LOXHD1: variants seen among roughly 807,000 people sequenced by gnomAD.
The protein encoded by LOXHD1 is lipoxygenase homology PLAT domains 1.
In LOXHD1, 205 loss-of-function variants were observed where a neutral mutation model predicts 248.2. The observed-to-expected ratio is 0.83, with a 90% CI of 0.74 to 0.93. The LOEUF is 0.93. LOXHD1 is among the 40% of genes least tolerant of loss of function. The pLI is 0.00. For missense variants in LOXHD1, 2,930 were observed against 2,971.6 expected (o/e 0.99, Z 0.33); for synonymous variants, 1,113 against 1,162.8 (o/e 0.96, Z 0.87).
intron 37 of LOXHD1, among the ~76,000 whole-genome samples, chr18:46,493,283 A>G (rs1338484615): frequency 1.3e-5 from 2 of 152,246 alleles, no homozygotes; most frequent in Non-Finnish European, 2.9e-5. Flanking sequence ...GTCTTTGAGA[A>G]AGACTTTGTT....
At position 46,541,898 on chromosome 18, in the gene LOXHD1, G is replaced by C. The variant is rs1396483529; in HGVS notation, c.3791C>G (p.Ala1264Gly). Reference sequence around the variant, plus strand: ...CGTCATGCACTTCCCAAGAGATGGGGCATCCACCTCTACCCAGTCTACAAA... The same window carrying C: ...CGTCATGCACTTCCCAAGAGATGGGCCATCCACCTCTACCCAGTCTACAAA... ...GWFVDWVEVD[A>G]PSLGKCMTFP... Residue 1264 changes from alanine to glycine, a missense_variant, in exon 25 of 41, where the codon GCC (alanine) becomes GGC (glycine). Coordinates refer to ENST00000642948, the MANE Select transcript of LOXHD1 (RefSeq NM_001384474.1). 3.2e-6 allele frequency: 5 copies of C among 1,551,556 alleles called. No homozygotes were observed. The highest frequency in any genetic ancestry group is 4.4e-6 in the Non-Finnish European group (5 of 1,146,996).
chr18:46,600,549 G>A (rs1449158504), intron 8 of LOXHD1, among the ~76,000 whole-genome samples: 3 of 144,728 alleles, frequency 2.1e-5, no homozygotes, highest in East Asian at 4.5e-4. Context: ...AGTGAGCTGA[G>A]ATCGTGCCAT....
At chr18:46,543,074 T>C (rs777646539) in intron 23 of LOXHD1, among the ~76,000 whole-genome samples, 1 of 152,198 alleles carries the variant, frequency 6.6e-6, no homozygotes, top group Non-Finnish European at 1.5e-5. Context: ...TTTGGTTACA[T>C]GGGTGAGTTA....
chr18:46,619,566 T>G (rs928169631), intron 4 of LOXHD1, among the ~76,000 whole-genome samples: 2 of 152,148 alleles, frequency 1.3e-5, no homozygotes, highest in African/African-American at 4.8e-5. Context: ...TACATTACAG[T>G]CTCATTAAGT....
chr18:46,588,830 G>A (rs772783510), intron 12 of LOXHD1, among the ~76,000 whole-genome samples: 26 of 152,238 alleles, frequency 1.7e-4, no homozygotes, highest in Admixed American at 6.5e-4. Flanking sequence ...ACCCATCCAC[G>A]TCAGCCCCTG....
intron 16 of LOXHD1, among the ~76,000 whole-genome samples, chr18:46,568,219 T>A (rs1457452146): frequency 6.6e-6 from 1 of 152,090 alleles, no homozygotes; most frequent in Admixed American, 6.6e-5. Context: ...GAGGGCTTGT[T>A]ACCATCTCCA....
At chr18:46,655,277 G>A (rs925798212) in intron 1 of LOXHD1, among the ~76,000 whole-genome samples, 3 of 152,162 alleles carry the variant, frequency 2.0e-5, no homozygotes, top group African/African-American at 7.2e-5. Flanking sequence ...GTGCTGATCC[G>A]CCTGCCTTGA....
At position 46,529,160 on chromosome 18, in the gene LOXHD1, C is replaced by A; in HGVS notation, c.4530+17G>T. 2.6e-6 allele frequency: 4 copies of A among 1,551,396 alleles called. No homozygotes were observed. ...GGAGAGGAGGGAAGGAGGGTAAACTCCGTGTGCCCCTCATACCGTTCCTCT... is the reference window on the plus strand; with the variant it reads ...GGAGAGGAGGGAAGGAGGGTAAACTACGTGTGCCCCTCATACCGTTCCTCT... On this transcript the variant is annotated intron_variant, in intron 29 of 40. Transcript: ENST00000642948.
At chr18:46,511,140 C>T (rs2143979501) in intron 34 of LOXHD1, among the ~76,000 whole-genome samples, 2 of 152,322 alleles carry the variant, frequency 1.3e-5, no homozygotes, top group South Asian at 4.1e-4. Flanking sequence ...TTCTGGAAGA[C>T]TGCAAGGAGA....
intron 33 of LOXHD1, chr18:46,518,850 T>G: frequency 2.0e-6 from 2 of 982,472 alleles, no homozygotes; most frequent in Non-Finnish European, 2.4e-6. Flanking sequence ...CAGCTGCGAA[T>G]GAGGGGTGCC....
intron 2 of LOXHD1, among the ~76,000 whole-genome samples, chr18:46,648,633 G>A (rs987442761): frequency 5.3e-5 from 8 of 152,194 alleles, no homozygotes; most frequent in African/African-American, 9.7e-5. Flanking sequence ...ACTCTCACTA[G>A]TTATAATAAA....
At chr18:46,603,980 G>A in intron 7 of LOXHD1, 126 bp downstream of exon 7, 1 of 1,279,316 alleles carries the variant, frequency 7.8e-7, no homozygotes. Flanking sequence ...AGGAGCAGGA[G>A]GAATGCTGTC....
At chr18:46,598,059 G>A (rs1599038724) in intron 8 of LOXHD1, among the ~76,000 whole-genome samples, 1 of 151,676 alleles carries the variant, frequency 6.6e-6, no homozygotes, top group Non-Finnish European at 1.5e-5. Context: ...GAACCACTGC[G>A]CCCGGCCAGA....
Position 46,560,301 on chromosome 18 carries a change from T to A in LOXHD1, c.2843A>T (p.Glu948Val). ...CTCCTCTTCCTCCCCCTCGTCCTCT[T>A]CGTCGCTGCCCTTCCTCTTCTTCTT... Reference protein sequence around the residue: ...RKKKKRKGSDEEDEGEEEESS... With the variant: ...RKKKKRKGSDVEDEGEEEESS... The change falls in exon 19 of 41, where the codon GAA becomes GTA. Residue 948 changes from glutamate (E) to valine (V), a missense_variant. Coordinates refer to ENST00000642948, the MANE Select transcript of LOXHD1 (RefSeq NM_001384474.1). The A allele has an allele frequency of 6.4e-7, 1 of 1,552,018 alleles. No individual in the cohort carries two copies. The highest frequency in any genetic ancestry group is 8.7e-7 in the Non-Finnish European group (1 of 1,147,096).
intron 40 of LOXHD1, among the ~76,000 whole-genome samples, chr18:46,481,901 G>C (rs1188348631): frequency 6.6e-6 from 1 of 152,200 alleles, no homozygotes; most frequent in African/African-American, 2.4e-5. Context: ...AACATTGTGG[G>C]TTTAAGGGTA....
rs138530849 is a variant in LOXHD1, at chr18:46,534,527, C to T, written c.4096-76G>A. On this transcript the variant is annotated intron_variant, in intron 26 of 40. Transcript: ENST00000642948. ...TATGGCCTTGGCAACATCCTGCTTC[C>T]CCAGGGCATCCACCCTGAGTCCCTT... 6 of 1,067,828 alleles carry T rather than the reference C, an allele frequency of 5.6e-6. No homozygotes were observed. In the East Asian group the frequency reaches 1.3e-4, roughly 23 times the overall value. 66.1% of individuals were successfully genotyped at this position (1,067,828 alleles called of 1,614,324 possible).
chr18:46,630,309 GCT>G (rs1206002268), intron 4 of LOXHD1, among the ~76,000 whole-genome samples: 5 of 152,224 alleles, frequency 3.3e-5, no homozygotes, highest in Admixed American at 3.3e-4. Context: ...TATGGTGTGG[GCT>G]CAATATTAAT....
chr18:46,504,458 T>C (rs961758037), intron 37 of LOXHD1, among the ~76,000 whole-genome samples: 2 of 151,912 alleles, frequency 1.3e-5, no homozygotes, highest in Admixed American at 6.6e-5. Context: ...CCTAACAGAG[T>C]CCCAGGCATG....
At chr18:46,568,055 A>G (rs1313396399) in intron 16 of LOXHD1, among the ~76,000 whole-genome samples, 1 of 152,212 alleles carries the variant, frequency 6.6e-6, no homozygotes, top group Non-Finnish European at 1.5e-5. Context: ...TGATAAATGA[A>G]AACATTGATT....
Sources: allele counts gnomAD v4.1 joint callset (sites outside exome capture counted in the v4.1 genomes callset), GRCh38; gene constraint gnomAD v4.1.1; transcripts MANE v1.5; gene names NCBI Gene and HGNC (gene_info 2026-07-23, HGNC 2026-07-21).